Variants in TCF12 observed in about 807,000 individuals in gnomAD.
The protein encoded by TCF12 is DNA-binding protein HTF4.
In TCF12, 45 loss-of-function variants were observed where a neutral mutation model predicts 86.0. The observed-to-expected ratio is 0.52, with a 90% CI of 0.41 to 0.67. The LOEUF (loss-of-function observed/expected upper bound fraction) is 0.67. TCF12 is among the 30% of genes least tolerant of loss of function. The probability of loss-of-function intolerance (pLI) is 0.00; values close to 1 mark genes in which losing one functional copy is unlikely to be tolerated. For missense variants in TCF12, 881 were observed against 859.9 expected (o/e 1.02, Z -0.31); for synonymous variants, 330 against 299.6 (o/e 1.10, Z -1.05).
intron 6 of TCF12, among the ~76,000 whole-genome samples, chr15:57,167,778 A>G (rs1313430377): frequency 1.3e-5 from 2 of 152,188 alleles, no homozygotes; most frequent in Non-Finnish European, 2.9e-5. Flanking sequence ...CTTCAGACCA[A>G]GCAGTCTTAC....
chr15:57,022,008 A>G (rs1164429500), intron 3 of TCF12, among the ~76,000 whole-genome samples: 1 of 152,148 alleles, frequency 6.6e-6, no homozygotes, highest in Non-Finnish European at 1.5e-5. Flanking sequence ...TCTTTTAATC[A>G]TAAACCCTGG....
chr15:57,086,493 T>G (rs981791680), intron 4 of TCF12, among the ~76,000 whole-genome samples: 3 of 151,814 alleles, frequency 2.0e-5, no homozygotes, highest in African/African-American at 7.2e-5. Flanking sequence ...TCCACTACAC[T>G]ATGCTGTGCA....
chr15:56,969,894 G>A (rs2062202844), intron 3 of TCF12, among the ~76,000 whole-genome samples: 2 of 152,112 alleles, frequency 1.3e-5, no homozygotes, highest in Admixed American at 1.3e-4. Flanking sequence ...TAGAAGTTGG[G>A]GTGATGAGCA....
intron 3 of TCF12, among the ~76,000 whole-genome samples, chr15:57,004,036 A>T (rs2064200999): frequency 6.6e-6 from 1 of 152,050 alleles, no homozygotes; most frequent in Non-Finnish European, 1.5e-5. Flanking sequence ...ACTGAAGAAA[A>T]TTGGTTTTTG....
At chr15:56,988,667 T>C (rs1595985219) in intron 3 of TCF12, among the ~76,000 whole-genome samples, 1 of 152,206 alleles carries the variant, frequency 6.6e-6, no homozygotes, top group African/African-American at 2.4e-5. Context: ...TTGAAGCTAA[T>C]GTGAATGTAG....
chr15:57,274,694 G>A (rs1476706494), intron 19 of TCF12, among the ~76,000 whole-genome samples: 1 of 152,046 alleles, frequency 6.6e-6, no homozygotes, highest in Non-Finnish European at 1.5e-5. Flanking sequence ...TTCAGCCCAG[G>A]ATATCTTCTA....
chr15:56,949,473 A>G (rs1223149783), intron 3 of TCF12, among the ~76,000 whole-genome samples: 1 of 152,268 alleles, frequency 6.6e-6, no homozygotes, highest in Non-Finnish European at 1.5e-5. Flanking sequence ...TCAGTTATGT[A>G]TGAATTAAAA....
chr15:57,264,230 T>G (rs2060737373), intron 18 of TCF12, among the ~76,000 whole-genome samples: 1 of 129,712 alleles, frequency 7.7e-6, no homozygotes, highest in African/African-American at 2.8e-5. Context: ...AGGTGGAGTC[T>G]TACTCTCTCG....
chr15:56,995,530 C>A (rs1265335363), intron 3 of TCF12, among the ~76,000 whole-genome samples: 1 of 151,806 alleles, frequency 6.6e-6, no homozygotes, highest in Non-Finnish European at 1.5e-5. Flanking sequence ...TCTTTTACGT[C>A]CTTGATTAGC....
chr15:57,104,873 T>TG (rs1293492911), intron 5 of TCF12, among the ~76,000 whole-genome samples: 3 of 134,960 alleles, frequency 2.2e-5, no homozygotes, highest in African/African-American at 5.7e-5. Flanking sequence ...TTTTTTTTTT[T>TG]TTTTTTTTTT....
chr15:56,980,135 G>A (rs762939339), intron 3 of TCF12, among the ~76,000 whole-genome samples: 11 of 152,142 alleles, frequency 7.2e-5, no homozygotes, highest in Non-Finnish European at 1.2e-4. Context: ...TAGATGAGAC[G>A]ATTTCTTGAG....
At chr15:57,181,116 T>C (rs931227148) in intron 6 of TCF12, among the ~76,000 whole-genome samples, 2 of 152,110 alleles carry the variant, frequency 1.3e-5, no homozygotes, top group African/African-American at 2.4e-5. Flanking sequence ...GCCTGGCCGA[T>C]GCTAATAATT....
At chr15:56,977,402 A>T (rs2062666297) in intron 3 of TCF12, among the ~76,000 whole-genome samples, 1 of 152,108 alleles carries the variant, frequency 6.6e-6, no homozygotes, top group African/African-American at 2.4e-5. Flanking sequence ...GAGTGATGGC[A>T]TGTGCCTGTA....
intron 5 of TCF12, among the ~76,000 whole-genome samples, chr15:57,092,909 G>A (rs2049081469): frequency 6.6e-6 from 1 of 152,048 alleles, no homozygotes; most frequent in Non-Finnish European, 1.5e-5. Context: ...CCCAAATCCT[G>A]GTGGTCTGCA....
intron 6 of TCF12, among the ~76,000 whole-genome samples, chr15:57,180,237 C>T (rs77628848): frequency 2.2e-3 from 335 of 152,206 alleles, no homozygotes; most frequent in Non-Finnish European, 3.7e-3. Context: ...CCTCACCCTT[C>T]GATTTTGATT....
intron 3 of TCF12, among the ~76,000 whole-genome samples, chr15:56,931,009 T>C (rs2060221886): frequency 6.6e-6 from 1 of 152,104 alleles, no homozygotes; most frequent in African/African-American, 2.4e-5. Context: ...CCTGGCCCCA[T>C]GGATTTTAGA....
intron 13 of TCF12, among the ~76,000 whole-genome samples, chr15:57,245,758 G>A (rs1350663427): frequency 1.3e-5 from 2 of 152,112 alleles, no homozygotes; most frequent in Non-Finnish European, 2.9e-5. Flanking sequence ...CTTTAATTCA[G>A]GTTGTTAATG....
At chr15:56,966,644 T>C (rs989869368) in intron 3 of TCF12, among the ~76,000 whole-genome samples, 8 of 152,224 alleles carry the variant, frequency 5.3e-5, no homozygotes, top group Non-Finnish European at 8.8e-5. Flanking sequence ...ACTGTTGTTA[T>C]TTTTCCTTCA....
At chr15:57,029,385 CT>C (rs1290830219) in intron 3 of TCF12, among the ~76,000 whole-genome samples, 1 of 152,106 alleles carries the variant, frequency 6.6e-6, no homozygotes, top group African/African-American at 2.4e-5. Context: ...ATTATGTTGC[CT>C]ATTCTGAGCC....
Sources: gnomAD v4.1 joint callset for allele counts (sites outside exome capture counted in the v4.1 genomes callset) on GRCh38, gnomAD v4.1.1 for gene constraint, MANE v1.5 for transcripts, NCBI Gene and HGNC (gene_info 2026-07-23, HGNC 2026-07-21) for gene names.